The following MYH15 variants were observed in gnomAD, a reference collection of about 807,000 sequenced individuals.
MYH15 encodes myosin-15.
In MYH15, 227 loss-of-function variants were observed where a neutral mutation model predicts 240.5. The ratio of observed to expected loss-of-function variants is 0.94; its 90% confidence interval spans 0.85 to 1.05. The LOEUF is 1.05. Ranked by LOEUF, MYH15 falls within the 50% of genes least tolerant of loss-of-function variation. MYH15 has a pLI of 0.00. For synonymous variants in MYH15, 785 were observed against 796.7 expected, an observed-to-expected ratio of 0.99 and a Z score of 0.25; for missense variants, 2,217 against 2,247.5, an observed-to-expected ratio of 0.99 and a Z score of 0.27.
intron 31 of MYH15, among the ~76,000 whole-genome samples, chr3:108,408,671 A>AACTTTTGCC (rs1432192180): frequency 6.6e-6 from 1 of 152,230 alleles, no homozygotes; most frequent in Non-Finnish European, 1.5e-5. Flanking sequence ...CAACTTTTGC[A>AACTTTTGCC]ACTTTTACAT....
chr3:108,470,512 C>T lies in MYH15; in HGVS notation c.1383+186G>A, dbSNP rs776052441. ...GCCAGAATTAAGAAATCAATAAATACTTAATACCATTAAGTATAACAATAA... is the reference window on the plus strand; with the variant it reads ...GCCAGAATTAAGAAATCAATAAATATTTAATACCATTAAGTATAACAATAA... On this transcript the variant is annotated intron_variant, in intron 13 of 40. Transcript: ENST00000693548. Among the ~76,000 whole-genome samples, 67 of 152,216 alleles carry T rather than the reference C, an allele frequency of 4.4e-4. No homozygotes were observed. The Middle Eastern group carries it at 0.014, about 31-fold the overall frequency.
intron 25 of MYH15, among the ~76,000 whole-genome samples, chr3:108,436,602 G>A (rs2082839101): frequency 6.6e-6 from 1 of 152,162 alleles, no homozygotes; most frequent in African/African-American, 2.4e-5. Flanking sequence ...ACAGTGGCAT[G>A]ATCTCAGCTC....
intron 14 of MYH15, among the ~76,000 whole-genome samples, chr3:108,465,215 T>A (rs73850898): frequency 2.6e-5 from 4 of 152,058 alleles, no homozygotes; most frequent in Non-Finnish European, 5.9e-5. Context: ...ATAGAGTCAT[T>A]GGGTAAGACA....
In MYH15 at chr3:108,398,758, G is replaced by A. The variant is rs900963129; in HGVS notation, c.5012C>T (p.Ser1671Phe). The A allele has an allele frequency of 6.2e-7, 1 of 1,614,202 alleles. No homozygotes were observed. The highest frequency in any genetic ancestry group is 8.5e-7 in the Non-Finnish European group (1 of 1,180,040). The change falls in exon 35 of 41, where the codon TCT (serine) becomes TTT (phenylalanine). Residue 1671 changes from serine to phenylalanine, a missense_variant. Physicochemically the swap from Ser to Phe is radical, Grantham distance 155. Transcript: ENST00000693548. ...ATCCTCTAGTTCAGACTGAAGAAGA[G>A]AGTTGCGCCGCTCAGCCACAGCCAC... ...EQVAVAERRN[S>F]LLQSELEDLR...
In MYH15 at chr3:108,394,076, C is replaced by T; in HGVS notation, c.5214G>A (p.Gln1738=). 1.2e-6 allele frequency: 2 copies of T among 1,614,152 alleles called. No homozygotes were observed. The highest frequency in any genetic ancestry group is 2.2e-5 in the South Asian group (2 of 91,084). The change falls in exon 36 of 41, where the codon CAG becomes CAA. Residue 1738 remains glutamine, a synonymous_variant. Transcript: ENST00000693548. ...RMQKEAEEVV[Q]ECQNAEEKAK... Reference sequence around the variant, plus strand: ...CCTTCTCTTCTGCATTTTGACACTCCTGCACCACCTCTTCAGCTTCTTTCT... The same window carrying T: ...CCTTCTCTTCTGCATTTTGACACTCTTGCACCACCTCTTCAGCTTCTTTCT...
rs113688214 is a variant in MYH15 at position 108,467,110 on chromosome 3, C to T, written c.1555-2296G>A. On this transcript the variant is annotated intron_variant, in intron 14 of 40. Transcript: ENST00000693548. ...GTTCCGAGGTAACTAAAGTGTAGGCCCTCAGCACATTTCTGCTGAGTAATT... is the reference window on the plus strand; with the variant it reads ...GTTCCGAGGTAACTAAAGTGTAGGCTCTCAGCACATTTCTGCTGAGTAATT... 5.8e-3 allele frequency among the ~76,000 whole-genome samples: 881 copies of T among 151,548 alleles called. 8 individuals carry two copies. Among genetic ancestry groups the T allele is most frequent in the African/African-American group, 0.02 (844 of 41,252 alleles).
chr3:108,459,432 C>T lies in MYH15; in HGVS notation c.1950G>A (p.Leu650=). The T allele has an allele frequency of 6.2e-7, 1 of 1,603,478 alleles. No individual in the cohort carries two copies. The highest frequency in any genetic ancestry group is 1.3e-5 in the African/African-American group (1 of 74,624). The change falls in exon 18 of 41, where the codon TTG becomes TTA. Residue 650 remains leucine, a synonymous_variant. Coordinates refer to ENST00000693548, the MANE Select transcript of MYH15 (RefSeq NM_014981.3). ...GTGCTGTTGATTTCAGATTAGTCAT[C>T]AATTTATTCAGGTTTTCCTAAAATG... ...ASLHKENLNK[L]MTNLKSTAPH... is the part of the protein sequence containing the mutation.
At chr3:108,545,131 CAA>C in the MYH15 span, among the ~76,000 whole-genome samples, 1 of 152,138 alleles carries the variant, frequency 6.6e-6, no homozygotes, top group African/African-American at 2.4e-5. Context: ...ATGCTTCTTT[CAA>C]AAAGAGATGT....
chr3:108,457,522 T>C (rs1221195870), intron 18 of MYH15, among the ~76,000 whole-genome samples: 4 of 152,032 alleles, frequency 2.6e-5, no homozygotes, highest in African/African-American at 9.7e-5. Flanking sequence ...ATAGAAGCCT[T>C]TGAAAAACCA....
At chr3:108,495,370 TGTA>T (rs1166866050) in intron 7 of MYH15, among the ~76,000 whole-genome samples, 3 of 152,178 alleles carry the variant, frequency 2.0e-5, no homozygotes, top group Non-Finnish European at 4.4e-5. Context: ...AAACAGTAAT[TGTA>T]GTAAGTGAAT....
At chr3:108,531,757 A>G (rs964663565), upstream of MYH15, among the ~76,000 whole-genome samples, 5 of 150,528 alleles carry the variant, frequency 3.3e-5, no homozygotes, top group Admixed American at 1.3e-4. Flanking sequence ...AGCCTGGGCG[A>G]CAGAGCGAGA....
intron 36 of MYH15, among the ~76,000 whole-genome samples, chr3:108,392,800 A>G (rs1159965025): frequency 6.6e-6 from 1 of 152,230 alleles, no homozygotes; most frequent in East Asian, 1.9e-4. Context: ...TTCATAATAT[A>G]TGATTGCATA....
the MYH15 span, among the ~76,000 whole-genome samples, chr3:108,536,332 T>C: frequency 2.0e-5 from 3 of 151,832 alleles, no homozygotes; most frequent in Admixed American, 1.3e-4. Context: ...GAAAAGGGGG[T>C]TGATGACATT....
chr3:108,493,333 A>G (rs554588649), intron 7 of MYH15, among the ~76,000 whole-genome samples, 156 bp from the exon 8 acceptor site: 1 of 152,314 alleles, frequency 6.6e-6, no homozygotes, highest in South Asian at 2.1e-4. Context: ...AAGAAAAGAA[A>G]AGAAGAGAAA....
chr3:108,459,672 C>A (rs1009302548), intron 17 of MYH15, among the ~76,000 whole-genome samples: 1 of 152,174 alleles, frequency 6.6e-6, no homozygotes, highest in Admixed American at 6.5e-5. Context: ...AATTGTGAAT[C>A]ATCTCTACCT....
At position 108,391,848 on chromosome 3, in the gene MYH15, G is replaced by T. The variant is rs376222726; in HGVS notation, c.5342C>A (p.Thr1781Lys). Residue 1781 changes from threonine to lysine, a missense_variant, in exon 37 of 41, where the codon ACA (threonine) becomes AAA (lysine). Thr to Lys is a moderately conservative substitution (Grantham distance 78). Coordinates refer to ENST00000693548, the MANE Select transcript of MYH15 (RefSeq NM_014981.3). ...LERTRENMEQTITDLQKRLAE... is the reference protein window; with the variant it reads ...LERTRENMEQKITDLQKRLAE... ...CAGCCTTTTCTGTAAGTCTGTAATT[G>T]TCTGCTCCATATTTTCTCTTGTCCT... 6.2e-7 allele frequency: 1 copy of T among 1,614,062 alleles called. No individual in the cohort carries two copies. Among genetic ancestry groups the T allele is most frequent in the Non-Finnish European group, 8.5e-7 (1 of 1,179,984 alleles).
At chr3:108,422,955 T>C (rs147631623) in intron 27 of MYH15, among the ~76,000 whole-genome samples, 65 of 152,318 alleles carry the variant, frequency 4.3e-4, no homozygotes, top group African/African-American at 1.4e-3. Flanking sequence ...CTTCATGCTA[T>C]GTTGCAGGAC....
intron 31 of MYH15, 81 bp downstream of exon 31, chr3:108,410,502 G>T (rs1458012391): frequency 1.9e-5 from 18 of 972,200 alleles, no homozygotes; most frequent in Non-Finnish European, 2.5e-5. Context: ...ATGTGAAAAT[G>T]CTGAAGACAG....
chr3:108,398,932 G>C, intron 34 of MYH15, 92 bp from the exon 35 acceptor site: 1 of 1,456,688 alleles, frequency 6.9e-7, no homozygotes, highest in Non-Finnish European at 9.6e-7. Flanking sequence ...TATATATTTA[G>C]ACATAAGCAT....
Sources: gnomAD v4.1 joint callset for allele counts (sites outside exome capture counted in the v4.1 genomes callset) on GRCh38, gnomAD v4.1.1 for gene constraint, MANE v1.5 for transcripts, NCBI Gene and HGNC (gene_info 2026-07-23, HGNC 2026-07-21) for gene names.